Variants in ASIC5 observed in about 807,000 individuals in gnomAD.
The protein encoded by ASIC5 is acid sensing ion channel subunit family member 5.
Under a neutral mutation model 51.2 loss-of-function variants are expected in ASIC5, and 52 were observed. The observed-to-expected ratio is 1.02, with a 90% confidence interval of 0.81 to 1.28. ASIC5 has a LOEUF of 1.28. Ranked by LOEUF, ASIC5 falls within the 50% of genes most tolerant of loss-of-function variation. The probability of loss-of-function intolerance (pLI) is 0.00; values close to 1 mark genes in which losing one functional copy is unlikely to be tolerated. For missense variants in ASIC5, 635 were observed against 595.0 expected (o/e 1.07, Z -0.70); for synonymous variants, 231 against 200.7 (o/e 1.15, Z -1.28).
At chr4:155,832,357 T>G (rs944531031) in intron 8 of ASIC5, among the ~76,000 whole-genome samples, 4 of 152,210 alleles carry the variant, frequency 2.6e-5, no homozygotes, top group Non-Finnish European at 5.9e-5. Flanking sequence ...AAAATTAAAT[T>G]ATGTATATGC....
chr4:155,838,107 T>A (rs1741028639), intron 7 of ASIC5, among the ~76,000 whole-genome samples: 1 of 152,204 alleles, frequency 6.6e-6, no homozygotes, highest in South Asian at 2.1e-4. Context: ...ACCTTTTAAA[T>A]CTATTCCTGC....
intron 2 of ASIC5, among the ~76,000 whole-genome samples, chr4:155,857,534 T>C (rs1741576221): frequency 6.6e-6 from 1 of 152,152 alleles, no homozygotes; most frequent in African/African-American, 2.4e-5. Flanking sequence ...AAGAGCCTAG[T>C]AGAAGAAAAT....
At chr4:155,833,151 A>T (rs928565504) in intron 8 of ASIC5, among the ~76,000 whole-genome samples, 1 of 152,140 alleles carries the variant, frequency 6.6e-6, no homozygotes, top group African/African-American at 2.4e-5. Context: ...CCTAACAAAT[A>T]ATAGGTTGTC....
chr4:155,844,685 T>C (rs1258018087), intron 4 of ASIC5, among the ~76,000 whole-genome samples: 2 of 151,840 alleles, frequency 1.3e-5, no homozygotes, highest in African/African-American at 4.8e-5. Flanking sequence ...AGCTCATGAG[T>C]ATAGAATTTT....
At chr4:155,831,054 C>T (rs941908743) in intron 9 of ASIC5, among the ~76,000 whole-genome samples, 3 of 152,150 alleles carry the variant, frequency 2.0e-5, no homozygotes, top group African/African-American at 4.8e-5. Flanking sequence ...CTCTAAGATG[C>T]GGTGAGATCT....
intron 4 of ASIC5, among the ~76,000 whole-genome samples, chr4:155,846,019 A>G (rs1741235262): frequency 1.3e-5 from 2 of 152,200 alleles, no homozygotes; most frequent in Non-Finnish European, 2.9e-5. Context: ...TCATATACAC[A>G]ATATTTCACT....
At chr4:155,843,972 A>G (rs970258381) in intron 4 of ASIC5, 142 bp from the exon 5 acceptor site, 2 of 841,232 alleles carry the variant, frequency 2.4e-6, no homozygotes, top group Non-Finnish European at 3.6e-6. Context: ...CTTTTTGTCT[A>G]AAGTGTATGA....
chr4:155,854,283 C>T lies in ASIC5; in HGVS notation c.379G>A (p.Val127Ile). ...ACAATGTGCCATAAGAAAAAAATAA[C>T]ACCAAATTTGGCTACAGCATCTGTT... ...FQTDAVAKFG[V>I]IFFLWHIVSK... is the part of the protein sequence containing the mutation. Residue 127 changes from valine to isoleucine, a missense_variant, in exon 3 of 10, where the codon GTT becomes ATT. Coordinates refer to ENST00000537611, the MANE Select transcript of ASIC5 (RefSeq NM_017419.3). 1.9e-6 allele frequency: 3 copies of T among 1,612,792 alleles called. No homozygotes were observed. The highest frequency in any genetic ancestry group is 2.5e-6 in the Non-Finnish European group (3 of 1,179,264).
chr4:155,830,631 T>C, intron 9 of ASIC5, among the ~76,000 whole-genome samples: 1 of 152,242 alleles, frequency 6.6e-6, no homozygotes, highest in Admixed American at 6.5e-5. Context: ...TTTTTAAGTA[T>C]ACAGTACTGT....
At chr4:155,831,753 T>A (rs1046701298) in intron 9 of ASIC5, 71 bp downstream of exon 9, 52 of 1,031,792 alleles carry the variant, frequency 5.0e-5, no homozygotes, top group Non-Finnish European at 7.3e-5. Context: ...CAGCCTGGGC[T>A]ACAGAGCGAG....
chr4:155,832,499 T>C (rs1238776815), intron 8 of ASIC5, among the ~76,000 whole-genome samples: 2 of 152,150 alleles, frequency 1.3e-5, no homozygotes, highest in African/African-American at 4.8e-5. Context: ...ATGACCAGAG[T>C]GGCTAAACAT....
In ASIC5 at chr4:155,831,861, G is replaced by T. The variant is rs1560738858; in HGVS notation, c.1290C>A (p.Thr430=). Residue 430 remains threonine, a synonymous_variant, in exon 9 of 10, where the codon ACC becomes ACA. Coordinates refer to ENST00000537611, the MANE Select transcript of ASIC5 (RefSeq NM_017419.3). ...ACACACTCACCGCCTTTTGCTGCTGGGTTATCTTATAGTTTAGGTCACTAT... is the reference window on the plus strand; with the variant it reads ...ACACACTCACCGCCTTTTGCTGCTGTGTTATCTTATAGTTTAGGTCACTAT... The part of the protein sequence containing the change: ...INYSDLNYKI[T]QQQKAVSVSE... 6.2e-7 allele frequency: 1 copy of T among 1,608,288 alleles called. No individual in the cohort carries two copies.
At position 155,843,760 on chromosome 4, in the gene ASIC5, T is replaced by A; in HGVS notation, c.782A>T (p.Lys261Met). ...TAACCCATCAAACTGTGGCACCTTC[T>A]TTGGTGAATGGATAACAAAGATGAT... is the stretch of plus-strand genomic sequence containing the variant. ...AGIIFVIHSPKKVPQFDGLGL... is the reference protein window; with the variant it reads ...AGIIFVIHSPMKVPQFDGLGL... The change falls in exon 5 of 10, where the codon AAG becomes ATG. Residue 261 changes from lysine to methionine, a missense_variant. Physicochemically the swap from Lys to Met is moderately conservative, Grantham distance 95. Coordinates refer to ENST00000537611, the MANE Select transcript of ASIC5 (RefSeq NM_017419.3). The A allele has an allele frequency of 6.2e-7, 1 of 1,613,732 alleles. No homozygotes were observed. The highest frequency in any genetic ancestry group is 8.5e-7 in the Non-Finnish European group (1 of 1,179,744).
rs72681539 is a variant in ASIC5 at position 155,858,246 on chromosome 4, G to A, written c.348-3932C>T. ...ATTTCTGGAATTTTTTGTGAAATGT[G>A]ACTTTTTATGAATTTCTGCCAATTG... On this transcript the variant is annotated intron_variant, in intron 2 of 9. Transcript: ENST00000537611. Among the ~76,000 whole-genome samples the A allele has an allele frequency of 1.1e-3, 164 of 152,132 alleles. 2 individuals carry two copies. Among genetic ancestry groups the A allele is most frequent in the Non-Finnish European group, 1.8e-3 (121 of 67,952 alleles).
chr4:155,834,921 G>T (rs1420531887), intron 8 of ASIC5, among the ~76,000 whole-genome samples: 1 of 152,066 alleles, frequency 6.6e-6, no homozygotes, highest in East Asian at 1.9e-4. Context: ...GTTCAGAGAA[G>T]AATCTAGTCA....
chr4:155,856,562 C>T (rs1427572992), intron 2 of ASIC5, among the ~76,000 whole-genome samples: 1 of 152,080 alleles, frequency 6.6e-6, no homozygotes, highest in African/African-American at 2.4e-5. Context: ...TTCCAAGGCA[C>T]TATTGGTCAT....
At chr4:155,860,094 T>G (rs1741658593) in intron 2 of ASIC5, among the ~76,000 whole-genome samples, 1 of 151,986 alleles carries the variant, frequency 6.6e-6, no homozygotes, top group Non-Finnish European at 1.5e-5. Context: ...GCTTCCACAT[T>G]TTGGGTTATT....
At chr4:155,853,943 G>T in intron 3 of ASIC5, 134 bp downstream of exon 3, 1 of 672,784 alleles carries the variant, frequency 1.5e-6, no homozygotes, top group Non-Finnish European at 2.6e-6. Flanking sequence ...ATAAGGCTGA[G>T]CTAATGAAAT....
Position 155,831,817 on chromosome 4 carries a change from C to T in ASIC5, c.1327+7G>A, listed in dbSNP as rs777179874. ...AATAAAATAAGGAGCAATTAAATAA[C>T]ACTTACCAAGTAACTCAGACACACT... is the stretch of plus-strand genomic sequence containing the variant. On this transcript the variant is annotated splice_region_variant and intron_variant, in intron 9 of 9. Transcript: ENST00000537611. The T allele has an allele frequency of 1.6e-5, 25 of 1,532,258 alleles. No individual in the cohort carries two copies. Among genetic ancestry groups the T allele is most frequent in the Non-Finnish European group, 2.3e-5 (25 of 1,107,632 alleles). 94.9% of individuals were successfully genotyped at this position (1,532,258 alleles called of 1,614,324 possible).
Sources: gnomAD v4.1 joint callset for allele counts (sites outside exome capture counted in the v4.1 genomes callset) on GRCh38, gnomAD v4.1.1 for gene constraint, MANE v1.5 for transcripts, NCBI Gene and HGNC (gene_info 2026-07-23, HGNC 2026-07-21) for gene names.